The following LMNA variants were observed in gnomAD, a reference collection of about 807,000 sequenced individuals.
The protein encoded by LMNA is lamin A/C, also known as lamin.
A neutral mutation model predicts 70.4 loss-of-function variants in LMNA; 20 were observed. The observed-to-expected ratio is 0.28, with a 90% CI of 0.20 to 0.41. The LOEUF is 0.41. Ranked by LOEUF, LMNA falls within the 10% of genes least tolerant of loss-of-function variation. The pLI is 1.00. For missense variants in LMNA, 652 were observed against 917.2 expected (o/e 0.71, Z 3.73); for synonymous variants, 339 against 372.8 (o/e 0.91, Z 1.04).
At chr1:156,129,482 G>A (rs1453466811) in intron 1 of LMNA, among the ~76,000 whole-genome samples, 1 of 152,160 alleles carries the variant, frequency 6.6e-6, no homozygotes, top group Non-Finnish European at 1.5e-5. Context: ...CTCCTTTCCA[G>A]GATAGATTTT....
intron 2 of LMNA, among the ~76,000 whole-genome samples, chr1:156,086,393 A>ACTCTCTCTCTCTCTCTCTCTCT (rs55740793): frequency 8.8e-4 from 129 of 146,390 alleles, no homozygotes; most frequent in Admixed American, 1.4e-3. Flanking sequence ...GTGACCTCTG[A>ACTCTCTCTCTCTCTCTCTCTCT]CTCTCTCTCT....
chr1:156,119,240 C>T (rs886194371), intron 1 of LMNA, among the ~76,000 whole-genome samples: 8 of 152,124 alleles, frequency 5.3e-5, no homozygotes, highest in Non-Finnish European at 1.2e-4. Context: ...GCCTCAGCCT[C>T]CCGAGTAGCT....
rs201035411 is a variant in LMNA, at chr1:156,134,654, T to A, written c.639+126T>A. 6.5e-7 allele frequency: 1 copy of A among 1,539,224 alleles called. No homozygotes were observed. The highest frequency in any genetic ancestry group is 9.0e-7 in the Non-Finnish European group (1 of 1,117,120). On this transcript the variant is annotated intron_variant, in intron 3 of 11. Coordinates refer to ENST00000368300, the MANE Select transcript of LMNA (RefSeq NM_170707.4). The surrounding 1 kb of genome is among the most constrained non-coding windows in gnomAD (Gnocchi z 5.3). The stretch of plus-strand genomic sequence containing the variant: ...GTCCCTTGCCCTAGTGGACAGGGAG[T>A]TGGGGGTGGCCAGCACTCAGCTCCC...
At position 156,134,110 on chromosome 1, in the gene LMNA, G is replaced by A. The variant is rs1651314215; in HGVS notation, c.514-293G>A. Among the ~76,000 whole-genome samples, 1 of 152,148 alleles carries A rather than the reference G, an allele frequency of 6.6e-6. No homozygotes were observed. The highest frequency in any genetic ancestry group is 2.4e-5 in the African/African-American group (1 of 41,428). ...CGGCTCACTGCAACCTCCACCTCCT[G>A]GATTCAAGCGATTCTTGTGCCTCAG... On this transcript the variant is annotated intron_variant, in intron 2 of 11. Transcript: ENST00000368300. This position sits in a 1 kb window ranked among gnomAD's most constrained non-coding sequence, Gnocchi z 5.3.
At chr1:156,086,462 T>A (rs1416109139) in intron 2 of LMNA, among the ~76,000 whole-genome samples, 2 of 151,272 alleles carry the variant, frequency 1.3e-5, no homozygotes, top group East Asian at 3.9e-4. Flanking sequence ...TCTGGCCTCA[T>A]GCCTGGGGAA....
At chr1:156,112,815 A>G (rs1362325057), upstream of LMNA, among the ~76,000 whole-genome samples, 3 of 152,220 alleles carry the variant, frequency 2.0e-5, no homozygotes, top group Non-Finnish European at 4.4e-5. Flanking sequence ...TTCAGAACCC[A>G]GAACTGAGGG....
At chr1:156,096,095 C>CTTTTGTTGGGT (rs1558108378) in intron 3 of LMNA, among the ~76,000 whole-genome samples, 1 of 152,192 alleles carries the variant, frequency 6.6e-6, no homozygotes, top group East Asian at 1.9e-4. Context: ...CCAACACATG[C>CTTTTGTTGGGT]CTCCTTTCCC....
upstream of LMNA, chr1:156,114,661 T>C: frequency 1.4e-5 from 3 of 210,104 alleles, no homozygotes; most frequent in East Asian, 1.2e-4. Flanking sequence ...TGGCCCCTCC[T>C]CCCTTCAGAG....
chr1:156,096,545 G>C (rs1648944757), intron 3 of LMNA, among the ~76,000 whole-genome samples: 1 of 152,346 alleles, frequency 6.6e-6, no homozygotes, highest in South Asian at 2.1e-4. Context: ...CCGCAGACCG[G>C]GTTAGGTGCC....
chr1:156,125,856 G>T (rs1422982432), intron 1 of LMNA, among the ~76,000 whole-genome samples: 1 of 151,956 alleles, frequency 6.6e-6, no homozygotes, highest in Admixed American at 6.6e-5. Flanking sequence ...AGGCATGGTG[G>T]TGCAGGCCTG....
intron 3 of LMNA, among the ~76,000 whole-genome samples, chr1:156,106,009 C>A (rs1326197722): frequency 6.6e-6 from 1 of 152,064 alleles, no homozygotes; most frequent in Non-Finnish European, 1.5e-5. Context: ...GTGGCTGGCT[C>A]CTGTAGTCCC....
intron 1 of LMNA, among the ~76,000 whole-genome samples, chr1:156,117,294 G>A (rs1415729867): frequency 2.0e-5 from 3 of 151,252 alleles, no homozygotes; most frequent in African/African-American, 7.3e-5. Context: ...GAGTACAGTA[G>A]TGTGACCTCA....
At chr1:156,106,077 G>A (rs1233234339) in intron 3 of LMNA, among the ~76,000 whole-genome samples, 1 of 152,006 alleles carries the variant, frequency 6.6e-6, no homozygotes, top group African/African-American at 2.4e-5. Context: ...GGGGCTTGCA[G>A]TGAGCCGAGA....
rs951584348 is a variant in LMNA at position 156,138,680 on chromosome 1, G to A, written c.1891G>A (p.Gly631Ser). ...CACTCGCAGCTACCGCAGTGTGGGG[G>A]GCAGTGGGGGTGGCAGCTTCGGGGA... is the stretch of plus-strand genomic sequence containing the variant. The part of the protein sequence containing the change: ...TVTRSYRSVG[G>S]SGGGSFGDNL... The change falls in exon 11 of 12, where the codon GGC becomes AGC. Residue 631 changes from glycine to serine, a missense_variant. Around this residue, in one of 4 missense-constraint regions of LMNA, gnomAD observed 327 missense variants for 387.6 expected, o/e 0.84. Coordinates refer to ENST00000368300, the MANE Select transcript of LMNA (RefSeq NM_170707.4). This position sits in a 1 kb window ranked among gnomAD's most constrained non-coding sequence, Gnocchi z 5.5. The A allele has an allele frequency of 1.9e-6, 3 of 1,613,604 alleles. No homozygotes were observed. The highest frequency in any genetic ancestry group is 8.5e-7 in the Non-Finnish European group (1 of 1,180,018).
intron 3 of LMNA, among the ~76,000 whole-genome samples, chr1:156,105,840 C>A (rs533933385): frequency 2.6e-5 from 4 of 152,122 alleles, no homozygotes; most frequent in Non-Finnish European, 5.9e-5. Context: ...CTTATCTGGC[C>A]AGGCACGGTG....
At chr1:156,099,111 G>A (rs1320854728) in intron 3 of LMNA, among the ~76,000 whole-genome samples, 1 of 152,140 alleles carries the variant, frequency 6.6e-6, no homozygotes, top group Admixed American at 6.5e-5. Flanking sequence ...GCAGGCAAAG[G>A]CTGCCCCACT....
rs868176457 is a variant in LMNA, at chr1:156,133,052, C to G, written c.514-1351C>G. 5.3e-5 allele frequency among the ~76,000 whole-genome samples: 8 copies of G among 151,362 alleles called. No individual in the cohort carries two copies. The Middle Eastern group carries it at 0.01, about 193-fold the overall frequency. ...ACAGGGTTTCACCATGTTGGTCAGG[C>G]TGGTCTTGAACTCCTGACCTTAGGT... is the stretch of plus-strand genomic sequence containing the variant. On this transcript the variant is annotated intron_variant, in intron 2 of 11. Coordinates refer to ENST00000368300, the MANE Select transcript of LMNA (RefSeq NM_170707.4).
At position 156,114,965 on chromosome 1, in the gene LMNA, C is replaced by T. The variant is rs770799870; in HGVS notation, c.47C>T (p.Ala16Val). The T allele has an allele frequency of 1.3e-6, 2 of 1,587,468 alleles. No homozygotes were observed. The highest frequency in any genetic ancestry group is 1.7e-6 in the Non-Finnish European group (2 of 1,167,458). ...CGCGCCACCCGCAGCGGGGCGCAGG[C>T]CAGCTCCACTCCGCTGTCGCCCACC... ...QRRATRSGAQ[A>V]SSTPLSPTRI... Residue 16 changes from alanine to valine, a missense_variant, in exon 1 of 12, where the codon GCC (alanine) becomes GTC (valine). Transcript: ENST00000368300.
upstream of LMNA, chr1:156,109,885 T>C (rs1291752490): frequency 6.6e-6 from 1 of 151,766 alleles, no homozygotes; most frequent in Non-Finnish European, 1.5e-5. Context: ...GGTTTCTCTC[T>C]TGCTCAGGCT....
Sources: allele counts gnomAD v4.1 joint callset (sites outside exome capture counted in the v4.1 genomes callset), GRCh38; gene constraint gnomAD v4.1.1; regional missense constraint gnomAD v4.1.1; non-coding constraint Gnocchi (gnomAD v3.1); transcripts MANE v1.5; gene names NCBI Gene and HGNC (gene_info 2026-07-23, HGNC 2026-07-21).